The following FAM227B variants were observed in gnomAD, a reference collection of about 807,000 sequenced individuals.
FAM227B encodes protein FAM227B.
FAM227B carries 88 observed loss-of-function variants against 73.8 expected under a neutral mutation model. The observed-to-expected ratio is 1.19, with a 90% CI of 1.00 to 1.42. FAM227B has a LOEUF of 1.42. Among genes scored for constraint, FAM227B ranks in the 40% most tolerant of loss-of-function variants. The pLI, the probability that FAM227B is intolerant of heterozygous loss-of-function variation, is 0.00. For synonymous variants in FAM227B, 210 were observed against 190.5 expected (o/e 1.10, Z -0.84); for missense variants, 632 against 590.9 (o/e 1.07, Z -0.72).
At chr15:49,455,116 C>T (rs1328949314) in intron 11 of FAM227B, among the ~76,000 whole-genome samples, 1 of 152,122 alleles carries the variant, frequency 6.6e-6, no homozygotes, top group Non-Finnish European at 1.5e-5. Context: ...CAACCCTCAC[C>T]TATTGAGTCA....
intron 11 of FAM227B, among the ~76,000 whole-genome samples, chr15:49,446,117 T>C (rs112326311): frequency 0.017 from 2,553 of 151,656 alleles, 36 homozygotes; most frequent in South Asian, 0.063. Context: ...GATGAAGTAA[T>C]TAGTGTATTA....
intron 13 of FAM227B, 91 bp downstream of exon 13, chr15:49,367,357 C>T (rs568131911): frequency 1.7e-6 from 2 of 1,144,392 alleles, no homozygotes; most frequent in East Asian, 2.6e-5. Flanking sequence ...AACATGCATT[C>T]AATTTGTTTC....
chr15:49,558,846 C>G (rs1254664231), intron 9 of FAM227B, among the ~76,000 whole-genome samples: 1 of 152,102 alleles, frequency 6.6e-6, no homozygotes, highest in Admixed American at 6.5e-5. Context: ...GGACCACTTC[C>G]CCAGGGCCCA....
intron 11 of FAM227B, among the ~76,000 whole-genome samples, chr15:49,417,359 T>C (rs1370615551): frequency 2.0e-5 from 3 of 152,044 alleles, no homozygotes; most frequent in African/African-American, 7.3e-5. Context: ...TGCGCTTCAG[T>C]CTGGGTGACT....
intron 13 of FAM227B, among the ~76,000 whole-genome samples, chr15:49,360,570 A>T (rs562498932): frequency 0.016 from 858 of 53,222 alleles, 6 homozygotes; most frequent in African/African-American, 0.058. Context: ...TTATAAAAAC[A>T]TAGACAAAGT....
intron 11 of FAM227B, among the ~76,000 whole-genome samples, chr15:49,449,470 C>A (rs957872159): frequency 6.6e-6 from 1 of 151,996 alleles, no homozygotes; most frequent in African/African-American, 2.4e-5. Flanking sequence ...ATTTTCACCA[C>A]CCACCAGTCC....
Position 49,350,587 on chromosome 15 carries a change from G to T in FAM227B, c.1272-15091C>A, listed in dbSNP as rs533892533. Among the ~76,000 whole-genome samples the T allele has an allele frequency of 5.6e-3, 859 of 152,226 alleles. 6 individuals carry two copies. The highest frequency in any genetic ancestry group is 0.02 in the African/African-American group (819 of 41,556). ...TTTTATGGGCTAGTTCCACAAAACT[G>T]AGCTTAAAAGTAAGAACAAATGGTT... is the stretch of plus-strand genomic sequence containing the variant. On this transcript the variant is annotated intron_variant, in intron 13 of 15. Coordinates refer to ENST00000299338, the MANE Select transcript of FAM227B (RefSeq NM_152647.3).
intron 10 of FAM227B, among the ~76,000 whole-genome samples, chr15:49,513,228 A>G (rs1174724477): frequency 6.6e-6 from 1 of 152,196 alleles, no homozygotes; most frequent in African/African-American, 2.4e-5. Context: ...CCAACAATGT[A>G]AAAGTGTTCC....
At chr15:49,459,381 G>A (rs1162605165) in intron 11 of FAM227B, among the ~76,000 whole-genome samples, 2 of 152,096 alleles carry the variant, frequency 1.3e-5, no homozygotes, top group Non-Finnish European at 2.9e-5. Context: ...TAATTAGTAT[G>A]TTTATTCCAT....
At chr15:49,568,978 G>C (rs1217384348) in intron 8 of FAM227B, among the ~76,000 whole-genome samples, 1 of 151,802 alleles carries the variant, frequency 6.6e-6, no homozygotes, top group African/African-American at 2.4e-5. Flanking sequence ...TTTAAATGTT[G>C]GTAGAATTCC....
intron 11 of FAM227B, among the ~76,000 whole-genome samples, chr15:49,453,081 T>A: frequency 6.6e-6 from 1 of 152,104 alleles, no homozygotes; most frequent in South Asian, 2.1e-4. Context: ...TTATAAATAA[T>A]CTTAGGTAAT....
chr15:49,599,156 T>C (rs1258932073), intron 3 of FAM227B, among the ~76,000 whole-genome samples: 1 of 152,042 alleles, frequency 6.6e-6, no homozygotes, highest in Non-Finnish European at 1.5e-5. Flanking sequence ...CTATTTTTCA[T>C]GATCCAGTCA....
intron 13 of FAM227B, among the ~76,000 whole-genome samples, chr15:49,352,420 T>C (rs572775759): frequency 1.3e-5 from 2 of 152,320 alleles, no homozygotes; most frequent in African/African-American, 2.4e-5. Flanking sequence ...TAATCTGCCA[T>C]AGGACTTATG....
chr15:49,608,533 A>G (rs2077672216), intron 3 of FAM227B, among the ~76,000 whole-genome samples: 2 of 152,120 alleles, frequency 1.3e-5, no homozygotes, highest in African/African-American at 4.8e-5. Context: ...AATTAGTAAG[A>G]AAAGTGACTA....
At chr15:49,553,601 C>G (rs1178349569) in intron 9 of FAM227B, among the ~76,000 whole-genome samples, 1 of 152,216 alleles carries the variant, frequency 6.6e-6, no homozygotes, top group African/African-American at 2.4e-5. Context: ...AGCTGGCACT[C>G]AAATCACAAG....
At chr15:49,456,015 A>G (rs1243832523) in intron 11 of FAM227B, among the ~76,000 whole-genome samples, 1 of 152,164 alleles carries the variant, frequency 6.6e-6, no homozygotes, top group Non-Finnish European at 1.5e-5. Context: ...AACTAGCTCA[A>G]CATGCTGTTA....
intron 11 of FAM227B, among the ~76,000 whole-genome samples, chr15:49,418,241 A>C (rs1489061969): frequency 6.6e-6 from 1 of 152,196 alleles, no homozygotes; most frequent in Non-Finnish European, 1.5e-5. Context: ...ACCATTATGG[A>C]AAGAAGTGTG....
intron 5 of FAM227B, among the ~76,000 whole-genome samples, chr15:49,578,945 G>A (rs1351018080): frequency 1.3e-5 from 2 of 152,034 alleles, no homozygotes; most frequent in Non-Finnish European, 2.9e-5. Flanking sequence ...TAGTATTTAA[G>A]CCACTGGAAC....
intron 13 of FAM227B, among the ~76,000 whole-genome samples, chr15:49,366,929 A>G (rs1461381937): frequency 6.6e-6 from 1 of 152,090 alleles, no homozygotes; most frequent in Non-Finnish European, 1.5e-5. Context: ...ATAGGACTGT[A>G]AAAAACAGAA....
Sources: gnomAD v4.1 joint callset for allele counts (sites outside exome capture counted in the v4.1 genomes callset) on GRCh38, gnomAD v4.1.1 for gene constraint, MANE v1.5 for transcripts, NCBI Gene and HGNC (gene_info 2026-07-23, HGNC 2026-07-21) for gene names.